The following RYR3 variants were observed in gnomAD, a reference collection of about 807,000 sequenced individuals.
RYR3 encodes ryanodine receptor 3.
In RYR3, 207 loss-of-function variants were observed where a neutral mutation model predicts 584.3. The observed-to-expected ratio is 0.35, with a 90% confidence interval of 0.32 to 0.40. RYR3 has a LOEUF of 0.40. Among genes scored for constraint, RYR3 ranks in the 10% least tolerant of loss-of-function variants. The pLI, the probability that RYR3 is intolerant of heterozygous loss-of-function variation, is 1.00. For missense variants in RYR3, 5,616 were observed against 6,089.2 expected (o/e 0.92, Z 2.59); for synonymous variants, 2,416 against 2,248.5 (o/e 1.07, Z -2.11).
At chr15:33,717,366 T>G (rs1456451712) in intron 43 of RYR3, among the ~76,000 whole-genome samples, 1 of 152,178 alleles carries the variant, frequency 6.6e-6, no homozygotes, top group Non-Finnish European at 1.5e-5. Flanking sequence ...TCCCCGAGGA[T>G]TCTCCATCTC....
chr15:33,657,639 G>A lies in RYR3; in HGVS notation c.4309-2081G>A, dbSNP rs556599714. Among the ~76,000 whole-genome samples the A allele has an allele frequency of 3.9e-5, 6 of 152,262 alleles. No homozygotes were observed. The South Asian group carries it at 1.0e-3, about 26-fold the overall frequency. On this transcript the variant is annotated intron_variant, in intron 32 of 103. Transcript: ENST00000634891. ...CTGGCACAAAGCAAGTATATAATAG[G>A]TACTACATCATTATCTGTTGAAAGT...
At chr15:33,462,107 C>T (rs1473228801) in intron 1 of RYR3, among the ~76,000 whole-genome samples, 1 of 152,150 alleles carries the variant, frequency 6.6e-6, no homozygotes, top group Non-Finnish European at 1.5e-5. Flanking sequence ...ACTTATTTTG[C>T]CTGTAAGTGA....
intron 16 of RYR3, among the ~76,000 whole-genome samples, chr15:33,591,520 A>G (rs1161141685): frequency 6.6e-6 from 1 of 152,218 alleles, no homozygotes; most frequent in African/African-American, 2.4e-5. Context: ...TGAACTAATA[A>G]CACACTATGT....
At chr15:33,646,064 TC>T (rs768986703) in intron 28 of RYR3, among the ~76,000 whole-genome samples, 5 of 152,198 alleles carry the variant, frequency 3.3e-5, no homozygotes, top group African/African-American at 4.8e-5. Flanking sequence ...ATGCTGTGTC[TC>T]CCAGATGCCA....
Position 33,838,924 on chromosome 15 carries a change from TAG to T in RYR3, c.12949_12950del (p.Ser4317TyrfsTer18). The T allele has an allele frequency of 6.2e-7, 1 of 1,613,582 alleles. No homozygotes were observed. The highest frequency in any genetic ancestry group is 1.1e-5 in the South Asian group (1 of 91,028). ...ATTGGCAAGGATGAACCCCCTACAT[TAG>T]AGAGTACTGTACAGAAGAAGAGGAA... On this transcript the variant is annotated frameshift_variant, in exon 89 of 104. Coordinates refer to ENST00000634891, the MANE Select transcript of RYR3 (RefSeq NM_001036.6). LOFTEE classifies it high-confidence loss of function.
chr15:33,779,360 T>C (rs10519872), intron 64 of RYR3, among the ~76,000 whole-genome samples: 2,815 of 152,264 alleles, frequency 0.018, 95 homozygotes, highest in African/African-American at 0.064. Flanking sequence ...CCTTAAGATA[T>C]GGTGGACAGT....
intron 69 of RYR3, among the ~76,000 whole-genome samples, chr15:33,805,749 T>G (rs913892721): frequency 6.6e-6 from 1 of 152,028 alleles, no homozygotes; most frequent in Non-Finnish European, 1.5e-5. Flanking sequence ...AGTGCTGGGA[T>G]TACAGGCTTG....
At chr15:33,537,786 T>C (rs2055453985) in intron 5 of RYR3, among the ~76,000 whole-genome samples, 5 of 152,234 alleles carry the variant, frequency 3.3e-5, no homozygotes, top group Admixed American at 3.3e-4. Context: ...TTAGGGACTC[T>C]GTAGGTTCTT....
chr15:33,535,225 C>A (rs551602772), intron 5 of RYR3, among the ~76,000 whole-genome samples: 1 of 152,190 alleles, frequency 6.6e-6, no homozygotes, highest in Non-Finnish European at 1.5e-5. Flanking sequence ...ATGGAAGGAT[C>A]CAGGTTGCCT....
chr15:33,588,303 A>G (rs2058958214), intron 16 of RYR3, among the ~76,000 whole-genome samples: 1 of 152,204 alleles, frequency 6.6e-6, no homozygotes, highest in Non-Finnish European at 1.5e-5. Flanking sequence ...GAAGTTGAAT[A>G]TTCTTTCCAG....
At chr15:33,512,379 A>T (rs1368306402) in intron 3 of RYR3, among the ~76,000 whole-genome samples, 1 of 152,238 alleles carries the variant, frequency 6.6e-6, no homozygotes. Context: ...CATTCAGGTT[A>T]ACTAGCTTTT....
intron 49 of RYR3, among the ~76,000 whole-genome samples, chr15:33,737,454 C>T (rs1178063359): frequency 3.3e-5 from 5 of 152,170 alleles, no homozygotes; most frequent in African/African-American, 1.2e-4. Context: ...CTAGCCACAC[C>T]TGAAAATCCT....
chr15:33,576,088 T>G (rs1374523491), intron 12 of RYR3, among the ~76,000 whole-genome samples: 1 of 152,124 alleles, frequency 6.6e-6, no homozygotes, highest in Non-Finnish European at 1.5e-5. Context: ...AATAGACCAA[T>G]GATGAGTTCT....
chr15:33,584,429 T>C lies in RYR3; in HGVS notation c.1608T>C (p.Ala536=), dbSNP rs769128314. 1.2e-6 allele frequency: 2 copies of C among 1,609,412 alleles called. No individual in the cohort carries two copies. Among genetic ancestry groups the C allele is most frequent in the Non-Finnish European group, 1.7e-6 (2 of 1,176,796 alleles). Residue 536 remains alanine (A), a synonymous_variant, in exon 15 of 104, where the codon GCT becomes GCC. Transcript: ENST00000634891. ...ALIRGNRNNC[A]QFSNNLDWLI... is the part of the protein sequence containing the mutation. The stretch of plus-strand genomic sequence containing the variant: ...TTCGCGGAAACAGAAACAATTGCGC[T>C]CAATTCTCCAATAACCTTGATTGGC...
chr15:33,702,250 C>A (rs1184329057), intron 42 of RYR3, among the ~76,000 whole-genome samples: 1 of 152,138 alleles, frequency 6.6e-6, no homozygotes, highest in Non-Finnish European at 1.5e-5. Flanking sequence ...GTGGTGGAAA[C>A]CACTGGAGAG....
chr15:33,384,195 C>T (rs1025840938), intron 1 of RYR3, among the ~76,000 whole-genome samples: 6 of 151,974 alleles, frequency 3.9e-5, no homozygotes, highest in South Asian at 2.1e-4. Flanking sequence ...GGACCCAGAC[C>T]GAGGAAAGAT....
At chr15:33,776,514 T>G (rs1445168586) in intron 64 of RYR3, among the ~76,000 whole-genome samples, 1 of 152,234 alleles carries the variant, frequency 6.6e-6, no homozygotes, top group Non-Finnish European at 1.5e-5. Context: ...CTTCATGCTT[T>G]AAAGCTATTT....
intron 65 of RYR3, among the ~76,000 whole-genome samples, chr15:33,783,690 G>C (rs2074531346): frequency 6.6e-6 from 1 of 152,208 alleles, no homozygotes; most frequent in Non-Finnish European, 1.5e-5. Flanking sequence ...CAGTGGCATT[G>C]TTCTGTGTGT....
At chr15:33,549,016 C>T (rs748793743) in intron 9 of RYR3, among the ~76,000 whole-genome samples, 5 of 152,060 alleles carry the variant, frequency 3.3e-5, no homozygotes, top group Non-Finnish European at 7.4e-5. Flanking sequence ...AATCCATTGG[C>T]AATCAGAAGG....
Sources: gnomAD v4.1 joint callset for allele counts (sites outside exome capture counted in the v4.1 genomes callset) on GRCh38, gnomAD v4.1.1 for gene constraint, MANE v1.5 for transcripts, NCBI Gene and HGNC (gene_info 2026-07-23, HGNC 2026-07-21) for gene names.